The following DLAT variants were observed in gnomAD, a reference collection of about 807,000 sequenced individuals.
DLAT encodes dihydrolipoyllysine-residue acetyltransferase component of pyruvate dehydrogenase complex, mitochondrial.
In DLAT, 43 loss-of-function variants were observed where a neutral mutation model predicts 68.0. The ratio of observed to expected loss-of-function variants is 0.63; its 90% CI spans 0.50 to 0.81. The LOEUF (loss-of-function observed/expected upper bound fraction) is 0.81. Among genes scored for constraint, DLAT ranks in the 40% least tolerant of loss-of-function variants. DLAT has a pLI of 0.00. For missense variants in DLAT, 745 were observed against 815.4 expected (o/e 0.91, Z 1.05); for synonymous variants, 265 against 288.6 (o/e 0.92, Z 0.83).
chr11:112,027,853 C>T (rs1862154786), intron 2 of DLAT, among the ~76,000 whole-genome samples: 1 of 151,552 alleles, frequency 6.6e-6, no homozygotes, highest in Non-Finnish European at 1.5e-5. Flanking sequence ...GGCAGCAGTA[C>T]AGTCCAGCTT....
At chr11:112,061,302 CTGATA>C in intron 13 of DLAT, 128 bp downstream of exon 13, 1 of 925,790 alleles carries the variant, frequency 1.1e-6, no homozygotes, top group Middle Eastern at 2.1e-4. Flanking sequence ...GCTCAAGTCC[CTGATA>C]TGATATGATG....
chr11:112,053,831 C>G (rs1318842141), intron 11 of DLAT, among the ~76,000 whole-genome samples: 1 of 152,014 alleles, frequency 6.6e-6, no homozygotes, highest in Non-Finnish European at 1.5e-5. Flanking sequence ...TTTCTGTTGC[C>G]TTTTATGAGT....
chr11:112,032,279 A>T (rs1284407230), intron 4 of DLAT, among the ~76,000 whole-genome samples: 1 of 151,926 alleles, frequency 6.6e-6, no homozygotes, highest in Non-Finnish European at 1.5e-5. Context: ...AAAAAAAAAA[A>T]TTATCAAATA....
chr11:112,061,523 A>T (rs1204561672), intron 13 of DLAT: 2 of 294,922 alleles, frequency 6.8e-6, no homozygotes, highest in Non-Finnish European at 1.3e-5. Flanking sequence ...ATGGATTCGG[A>T]ACCCATGGAT....
chr11:112,029,614 G>A (rs1433169959), intron 4 of DLAT, among the ~76,000 whole-genome samples: 1 of 151,722 alleles, frequency 6.6e-6, no homozygotes, highest in African/African-American at 2.4e-5. Flanking sequence ...CCTGCCACCA[G>A]ACCCCATCTC....
At chr11:112,041,997 A>T (rs587750110) in intron 7 of DLAT, among the ~76,000 whole-genome samples, 2 of 152,380 alleles carry the variant, frequency 1.3e-5, no homozygotes, top group South Asian at 2.1e-4. Context: ...GATTATGGTA[A>T]AGAGTTTGAA....
chr11:112,045,070 A>T, intron 8 of DLAT, 68 bp from the exon 9 acceptor site: 1 of 1,168,570 alleles, frequency 8.6e-7, no homozygotes, highest in East Asian at 2.4e-5. Flanking sequence ...AGTCACTGGC[A>T]GTCTTTCCCA....
rs587611299 is a variant in DLAT, at chr11:112,027,159, C to T, written c.381+860C>T. ...CTTCTCAGACGGGGTGGCTGCCGGG[C>T]GGAGGGGCTCCTCACTTCTCAGACG... On this transcript the variant is annotated intron_variant, in intron 2 of 13. Coordinates refer to ENST00000280346, the MANE Select transcript of DLAT (RefSeq NM_001931.5). Among the ~76,000 whole-genome samples, 725 of 150,552 alleles carry T rather than the reference C, an allele frequency of 4.8e-3. 4 individuals are homozygous for T. Among genetic ancestry groups the T allele is most frequent in the African/African-American group, 0.017 (680 of 40,788 alleles).
intron 11 of DLAT, among the ~76,000 whole-genome samples, chr11:112,058,430 T>G (rs1378494260): frequency 6.6e-6 from 1 of 152,172 alleles, no homozygotes; most frequent in Admixed American, 6.5e-5. Context: ...TGGTACCCAC[T>G]GATCTTTTTG....
Position 112,033,406 on chromosome 11 carries a change from A to C in DLAT, c.663A>C (p.Val221=). 6.2e-7 allele frequency: 1 copy of C among 1,613,474 alleles called. No homozygotes were observed. Among genetic ancestry groups the C allele is most frequent in the Non-Finnish European group, 8.5e-7 (1 of 1,179,696 alleles). Residue 221 remains valine (V), a splice_region_variant and synonymous_variant, in exon 5 of 14, where the codon GTA becomes GTC. Transcript: ENST00000280346. ...ATAATATGTGTTTGTTTCTGCAGGT[A>C]CTTCTTCCTGCCCTCTCTCCCACCA... ...PGSSYPPHMQ[V]LLPALSPTMT...
intron 10 of DLAT, among the ~76,000 whole-genome samples, chr11:112,049,055 C>G (rs1279995813): frequency 2.1e-5 from 3 of 142,494 alleles, no homozygotes; most frequent in Non-Finnish European, 4.5e-5. Context: ...TCTTGGCTCA[C>G]TGCCAGCTCT....
At chr11:112,030,241 A>G in intron 4 of DLAT, 1 of 577,490 alleles carries the variant, frequency 1.7e-6, no homozygotes, top group Admixed American at 2.0e-5. Context: ...AACTACCCAA[A>G]GTTCTCGGTC....
chr11:112,029,146 T>TA (rs371678198), intron 4 of DLAT, among the ~76,000 whole-genome samples: 1 of 152,246 alleles, frequency 6.6e-6, no homozygotes, highest in Non-Finnish European at 1.5e-5. Context: ...ACAGTTCCTG[T>TA]AACCTTTCTC....
intron 2 of DLAT, among the ~76,000 whole-genome samples, chr11:112,026,997 C>G (rs1862066000): frequency 1.3e-5 from 2 of 151,510 alleles, no homozygotes; most frequent in Non-Finnish European, 3.0e-5. Context: ...GGGGGCTGGC[C>G]CCACCACCTC....
At position 112,036,165 on chromosome 11, in the gene DLAT, A is replaced by ATGTGTGTGTGTG. The variant is rs797041830; in HGVS notation, c.788-1107_788-1106insGTGTGTGTGTGT. Among the ~76,000 whole-genome samples, 312 of 101,786 alleles carry ATGTGTGTGTGTG rather than the reference A, an allele frequency of 3.1e-3. 8 individuals carry two copies. Among genetic ancestry groups the ATGTGTGTGTGTG allele is most frequent in the African/African-American group, 0.014 (304 of 21,708 alleles). 66.8% of individuals were successfully genotyped at this position (101,786 alleles called of 152,430 possible). On this transcript the variant is annotated intron_variant, in intron 5 of 13. Transcript: ENST00000280346. ...TGTATATATATATATGTGTGTGTAT[A>ATGTGTGTGTGTG]TATGTGTGTGTGTGTGTGTGTGTGT...
rs1861990255 is a variant in DLAT at position 112,026,189 on chromosome 11, C to T, written c.280-9C>T. Reference sequence around the variant, plus strand: ...AAAAATTTTAATGTTTCTTCTTTTCCTTTTCCAGGTTCCATTGCCTTCTCT... The same window carrying T: ...AAAAATTTTAATGTTTCTTCTTTTCTTTTTCCAGGTTCCATTGCCTTCTCT... On this transcript the variant is annotated splice_polypyrimidine_tract_variant and intron_variant, in intron 1 of 13. Coordinates refer to ENST00000280346, the MANE Select transcript of DLAT (RefSeq NM_001931.5). 6.2e-7 allele frequency: 1 copy of T among 1,604,756 alleles called. No homozygotes were observed.
intron 1 of DLAT, 88 bp from the exon 2 acceptor site, chr11:112,026,110 C>A: frequency 1.9e-6 from 2 of 1,058,454 alleles, no homozygotes; most frequent in Non-Finnish European, 1.4e-6. Flanking sequence ...ATACACTTTG[C>A]ATGAAATTGA....
Position 112,027,453 on chromosome 11 carries a change from C to T in DLAT, c.382-1062C>T, listed in dbSNP as rs587731172. ...GCAGTGGGGCTCCTCACGTCCCAGA[C>T]GATGGGCGGCCAGGCAGAGACGCTC... is the stretch of plus-strand genomic sequence containing the variant. On this transcript the variant is annotated intron_variant, in intron 2 of 13. Transcript: ENST00000280346. Among the ~76,000 whole-genome samples, 88 of 147,282 alleles carry T rather than the reference C, an allele frequency of 6.0e-4. 1 individual carries two copies. Among genetic ancestry groups the T allele is most frequent in the Non-Finnish European group, 8.7e-4 (58 of 67,048 alleles).
In DLAT at chr11:112,051,939, C is replaced by T. The variant is rs1005832757; in HGVS notation, c.1514+590C>T. Among the ~76,000 whole-genome samples the T allele has an allele frequency of 9.9e-5, 15 of 152,080 alleles. No individual in the cohort carries two copies. Among genetic ancestry groups the T allele is most frequent in the African/African-American group, 3.4e-4 (14 of 41,410 alleles). ...ATGGTACTCAGTGTGTCTCTTTTAT[C>T]TCATTCAATTCTCATGACTATCTTA... On this transcript the variant is annotated intron_variant, in intron 11 of 13. Coordinates refer to ENST00000280346, the MANE Select transcript of DLAT (RefSeq NM_001931.5). The surrounding 1 kb of genome is among the most constrained non-coding windows in gnomAD (Gnocchi z 4.3).
Sources: allele counts gnomAD v4.1 joint callset (sites outside exome capture counted in the v4.1 genomes callset), GRCh38; gene constraint gnomAD v4.1.1; non-coding constraint Gnocchi (gnomAD v3.1); transcripts MANE v1.5; gene names NCBI Gene and HGNC (gene_info 2026-07-23, HGNC 2026-07-21).